MYO16: variants seen among roughly 807,000 people sequenced by gnomAD.
MYO16 encodes unconventional myosin-XVI.
In MYO16, 94 loss-of-function variants were observed where a neutral mutation model predicts 205.3. The ratio of observed to expected loss-of-function variants is 0.46; its 90% confidence interval spans 0.39 to 0.54. The LOEUF (loss-of-function observed/expected upper bound fraction) is 0.54. Among genes scored for constraint, MYO16 ranks in the 20% least tolerant of loss-of-function variants. MYO16 has a pLI of 0.00. For synonymous variants in MYO16, 988 were observed against 954.0 expected (o/e 1.04, Z -0.66); for missense variants, 2,315 against 2,387.5 (o/e 0.97, Z 0.63).
the MYO16 span, among the ~76,000 whole-genome samples, chr13:108,584,675 A>G: frequency 1.6e-4 from 25 of 152,026 alleles, no homozygotes; most frequent in Non-Finnish European, 3.1e-4. Flanking sequence ...CTCTACCTCC[A>G]TGAGTTACCC....
chr13:108,501,591 G>A, the MYO16 span, among the ~76,000 whole-genome samples: 1 of 152,192 alleles, frequency 6.6e-6, no homozygotes, highest in Non-Finnish European at 1.5e-5. Flanking sequence ...TTTAAAAGAA[G>A]AAAACTGGCT....
intron 34 of MYO16, among the ~76,000 whole-genome samples, chr13:109,192,341 T>C (rs1879957913): frequency 6.6e-6 from 1 of 152,236 alleles, no homozygotes. Flanking sequence ...AAATATTTGC[T>C]TTTATATTTT....
At chr13:109,085,101 G>A (rs567066518) in intron 27 of MYO16, among the ~76,000 whole-genome samples, 2 of 152,306 alleles carry the variant, frequency 1.3e-5, no homozygotes, top group Admixed American at 1.3e-4. Context: ...GGGGAGAGCA[G>A]ATCCCGATGG....
intron 13 of MYO16, among the ~76,000 whole-genome samples, chr13:108,884,308 T>C (rs1279863255): frequency 6.6e-6 from 1 of 152,212 alleles, no homozygotes; most frequent in African/African-American, 2.4e-5. Context: ...CACACTTTAG[T>C]TTTCTAGTTT....
intron 32 of MYO16, among the ~76,000 whole-genome samples, chr13:109,157,229 A>T: frequency 9.4e-6 from 1 of 105,866 alleles, no homozygotes; most frequent in Non-Finnish European, 1.8e-5. Flanking sequence ...TTTCTTTGCT[A>T]GATTAGTATT....
At chr13:108,645,704 T>C (rs917928242) in intron 1 of MYO16, among the ~76,000 whole-genome samples, 1 of 152,122 alleles carries the variant, frequency 6.6e-6, no homozygotes, top group Non-Finnish European at 1.5e-5. Context: ...ACATGGAGGG[T>C]GATAGATCAG....
the MYO16 span, among the ~76,000 whole-genome samples, chr13:108,574,507 T>G: frequency 6.6e-6 from 1 of 152,212 alleles, no homozygotes; most frequent in Non-Finnish European, 1.5e-5. Context: ...AAGGCAGCAC[T>G]AACTTTTATG....
At chr13:108,506,402 A>G in the MYO16 span, among the ~76,000 whole-genome samples, 1 of 151,882 alleles carries the variant, frequency 6.6e-6, no homozygotes, top group African/African-American at 2.4e-5. Flanking sequence ...ATTCCTAAGC[A>G]TTTTATTCTT....
At chr13:108,963,638 A>G (rs1370775461) in intron 19 of MYO16, among the ~76,000 whole-genome samples, 2 of 152,228 alleles carry the variant, frequency 1.3e-5, no homozygotes, top group Non-Finnish European at 2.9e-5. Flanking sequence ...ACAGTCTTTC[A>G]AAGATACACC....
intron 2 of MYO16, among the ~76,000 whole-genome samples, chr13:108,679,656 A>G (rs1346227918): frequency 6.6e-6 from 1 of 150,822 alleles, no homozygotes; most frequent in Admixed American, 6.6e-5. Context: ...CCTCCCTTAG[A>G]TCCATTCTTC....
Position 108,883,058 on chromosome 13 carries a change from G to T in MYO16, c.1426-1G>T. ...CCCCTTGCTGCTGCCCTGTTTTCCA[G>T]GTGTCCCAGCTGTATTTCAGCTCCT... On this transcript the variant is annotated splice_acceptor_variant, in intron 12 of 34. Transcript: ENST00000457511. LOFTEE classifies it high-confidence loss of function. The T allele has an allele frequency of 1.2e-6, 2 of 1,613,716 alleles. No homozygotes were observed. Among genetic ancestry groups the T allele is most frequent in the Non-Finnish European group, 1.7e-6 (2 of 1,179,734 alleles).
rs1366982865 is a variant in MYO16 at position 109,162,011 on chromosome 13, A to T, written c.5165-2890A>T. Reference sequence around the variant, plus strand: ...GGCTGAGGCAGGAGAATCTCCCAGGAGGCAGAGGTTGCAGGGAGCTGAGAT... The same window carrying T: ...GGCTGAGGCAGGAGAATCTCCCAGGTGGCAGAGGTTGCAGGGAGCTGAGAT... On this transcript the variant is annotated intron_variant, in intron 32 of 34. Coordinates refer to ENST00000457511, the MANE Select transcript of MYO16 (RefSeq NM_001198950.3). This position sits in a 1 kb window ranked among gnomAD's most constrained non-coding sequence, Gnocchi z 4.6. 6.6e-6 allele frequency among the ~76,000 whole-genome samples: 1 copy of T among 152,198 alleles called. No individual in the cohort carries two copies. The highest frequency in any genetic ancestry group is 2.4e-5 in the African/African-American group (1 of 41,444).
At chr13:109,194,586 C>T (rs1566558163) in intron 34 of MYO16, among the ~76,000 whole-genome samples, 1 of 152,036 alleles carries the variant, frequency 6.6e-6, no homozygotes, top group African/African-American at 2.4e-5. Context: ...TTAATTCGGA[C>T]GTACAAACCA....
Position 108,734,246 on chromosome 13 carries a change from TA to T in MYO16, c.507+6667del, listed in dbSNP as rs1163941577. On this transcript the variant is annotated intron_variant, in intron 4 of 34. Transcript: ENST00000457511. The stretch of plus-strand genomic sequence containing the variant: ...TATTATTAAAAAATCTTTGATGCAA[TA>T]AAACAAAGGCAGCATACTAAATAAA... Among the ~76,000 whole-genome samples, 2 of 152,028 alleles carry T rather than the reference TA, an allele frequency of 1.3e-5. 1 individual carries two copies.
chr13:108,866,316 G>A, intron 12 of MYO16, 74 bp downstream of exon 12: 1 of 939,432 alleles, frequency 1.1e-6, no homozygotes, highest in Non-Finnish European at 1.5e-6. Context: ...TGTATCAAAT[G>A]ACTAAAAAAA....
chr13:108,604,555 A>G (rs1004004673), intron 1 of MYO16, among the ~76,000 whole-genome samples: 1 of 152,216 alleles, frequency 6.6e-6, no homozygotes, highest in East Asian at 1.9e-4. Context: ...TAGTGGAGAA[A>G]TTCTTGACAA....
intron 9 of MYO16, among the ~76,000 whole-genome samples, chr13:108,824,414 C>T (rs1051280544): frequency 7.2e-5 from 11 of 152,030 alleles, no homozygotes; most frequent in African/African-American, 2.7e-4. Flanking sequence ...TATTCTAATA[C>T]AACCCCTCTA....
intron 16 of MYO16, among the ~76,000 whole-genome samples, chr13:108,953,442 C>T (rs1883230689): frequency 6.6e-6 from 1 of 152,084 alleles, no homozygotes; most frequent in Non-Finnish European, 1.5e-5. Context: ...GGAGGCATAC[C>T]ACATGCAATA....
intron 14 of MYO16, among the ~76,000 whole-genome samples, chr13:108,894,288 C>T (rs773459924): frequency 1.3e-5 from 2 of 152,112 alleles, no homozygotes. Context: ...GAAACAGAGC[C>T]AAACCATATC....
Sources: allele counts gnomAD v4.1 joint callset (sites outside exome capture counted in the v4.1 genomes callset), GRCh38; gene constraint gnomAD v4.1.1; non-coding constraint Gnocchi (gnomAD v3.1); transcripts MANE v1.5; gene names NCBI Gene and HGNC (gene_info 2026-07-23, HGNC 2026-07-21).